EPB41L3: variants seen among roughly 807,000 people sequenced by gnomAD.
The protein encoded by EPB41L3 is erythrocyte membrane protein band 4.1 like 3.
In EPB41L3, 57 loss-of-function variants were observed where a neutral mutation model predicts 127.1. That is an observed-to-expected ratio of 0.45 (90% CI 0.36 to 0.56). The LOEUF (loss-of-function observed/expected upper bound fraction) is 0.56. Ranked by LOEUF, EPB41L3 falls within the 20% of genes least tolerant of loss-of-function variation. The pLI, the probability that EPB41L3 is intolerant of heterozygous loss-of-function variation, is 0.00. For missense variants in EPB41L3, 1,273 were observed against 1,372.2 expected, an observed-to-expected ratio of 0.93 and a Z score of 1.14; for synonymous variants, 572 against 549.5, an observed-to-expected ratio of 1.04 and a Z score of -0.57.
intron 1 of EPB41L3, among the ~76,000 whole-genome samples, chr18:5,615,002 T>A (rs1394888550): frequency 1.3e-5 from 2 of 152,096 alleles, no homozygotes; most frequent in Non-Finnish European, 2.9e-5. Flanking sequence ...TTAAGTACAT[T>A]CTCCAGAGAC....
chr18:5,630,420 T>C (rs751909776), upstream of EPB41L3: 4 of 518,644 alleles, frequency 7.7e-6, no homozygotes, highest in Non-Finnish European at 3.8e-6. Flanking sequence ...CCGGAGCTTG[T>C]TCGCAGCCCG....
rs1239643913 is a variant in EPB41L3, at chr18:5,419,727, A to G, written c.1490T>C (p.Ile497Thr). 6.2e-7 allele frequency: 1 copy of G among 1,614,162 alleles called. No homozygotes were observed. The highest frequency in any genetic ancestry group is 1.1e-5 in the South Asian group (1 of 91,084). ...KGEEVTPISAIRHEGKSPGLG... is the reference protein window; with the variant it reads ...KGEEVTPISATRHEGKSPGLG... ...GAGCTATACCTTTCCCTCGTGCCGG[A>G]TGGCCGAGATGGGCGTGACTTCTTC... Residue 497 changes from isoleucine (I) to threonine (T), a missense_variant, in exon 12 of 23, where the codon ATC becomes ACC. Around this residue, in one of 3 missense-constraint regions of EPB41L3, gnomAD observed 765 missense variants for 782.9 expected, o/e 0.98. Coordinates refer to ENST00000341928, the MANE Select transcript of EPB41L3 (RefSeq NM_012307.5).
intron 3 of EPB41L3, among the ~76,000 whole-genome samples, chr18:5,583,163 A>G (rs910895524): frequency 2.0e-5 from 3 of 152,234 alleles, no homozygotes; most frequent in Non-Finnish European, 4.4e-5. Flanking sequence ...TGGCTGAGAC[A>G]GTCAGACAAC....
chr18:5,439,650 T>C (rs1481098136), intron 5 of EPB41L3, among the ~76,000 whole-genome samples: 2 of 152,228 alleles, frequency 1.3e-5, no homozygotes, highest in Admixed American at 6.5e-5. Context: ...ATTCAAAATA[T>C]ATCTGTCAGT....
At chr18:5,451,626 C>T (rs2082287972) in intron 3 of EPB41L3, among the ~76,000 whole-genome samples, 1 of 152,214 alleles carries the variant, frequency 6.6e-6, no homozygotes, top group Admixed American at 6.5e-5. Flanking sequence ...GGGCCTCTTT[C>T]TTTGTCAAAT....
At chr18:5,438,722 T>C (rs1309228857) in intron 5 of EPB41L3, among the ~76,000 whole-genome samples, 1 of 152,216 alleles carries the variant, frequency 6.6e-6, no homozygotes, top group East Asian at 1.9e-4. Context: ...TTTCTGCATA[T>C]TGCCAAATTT....
At chr18:5,587,870 T>A (rs1345193838) in intron 3 of EPB41L3, among the ~76,000 whole-genome samples, 1 of 152,184 alleles carries the variant, frequency 6.6e-6, no homozygotes, top group East Asian at 1.9e-4. Context: ...ACAGATACAA[T>A]TATGACAATA....
intron 16 of EPB41L3, chr18:5,399,573 C>A (rs1001487506): frequency 2.4e-4 from 95 of 392,650 alleles, no homozygotes; most frequent in Non-Finnish European, 4.1e-4. Context: ...CTATAAACTT[C>A]AGCTCAGAAT....
chr18:5,595,185 T>G (rs1157104490), intron 3 of EPB41L3, among the ~76,000 whole-genome samples: 1 of 152,130 alleles, frequency 6.6e-6, no homozygotes, highest in East Asian at 1.9e-4. Context: ...TCCAATACCC[T>G]CCATTGAAAG....
intron 1 of EPB41L3, among the ~76,000 whole-genome samples, chr18:5,500,607 G>T (rs2091654425): frequency 6.6e-6 from 1 of 152,200 alleles, no homozygotes; most frequent in Non-Finnish European, 1.5e-5. Context: ...CGCTTTGTAG[G>T]TGCCAGTACC....
intron 3 of EPB41L3, among the ~76,000 whole-genome samples, chr18:5,608,946 A>C (rs1004234690): frequency 6.6e-6 from 1 of 152,238 alleles, no homozygotes; most frequent in African/African-American, 2.4e-5. Context: ...TGGGAAACTA[A>C]ATCATCTAAG....
intron 1 of EPB41L3, among the ~76,000 whole-genome samples, chr18:5,514,510 G>A (rs879661996): frequency 6.7e-6 from 1 of 148,296 alleles, no homozygotes; most frequent in Non-Finnish European, 1.5e-5. Flanking sequence ...TATTTCCAAA[G>A]TAGTTTTCTC....
intron 3 of EPB41L3, among the ~76,000 whole-genome samples, chr18:5,586,145 T>C (rs934577648): frequency 2.6e-5 from 4 of 152,208 alleles, no homozygotes; most frequent in Non-Finnish European, 4.4e-5. Flanking sequence ...CTTCCTATGA[T>C]GTGATGGTCC....
At chr18:5,570,628 G>A (rs2094265849) in intron 3 of EPB41L3, among the ~76,000 whole-genome samples, 1 of 151,204 alleles carries the variant, frequency 6.6e-6, no homozygotes, top group Non-Finnish European at 1.5e-5. Flanking sequence ...TATACTTTAA[G>A]TTCTAGGGTA....
In EPB41L3 at chr18:5,543,828, C is replaced by T; in HGVS notation, c.-12+85G>A. ...GTCAGCCCCACTGTCCCGCGCGCCT[C>T]GCCCCAGGCCTCGGGCTCTTCCTCC... is the stretch of plus-strand genomic sequence containing the variant. On this transcript the variant is annotated intron_variant, in intron 1 of 22. Coordinates refer to ENST00000341928, the MANE Select transcript of EPB41L3 (RefSeq NM_012307.5). The surrounding 1 kb of genome is among the most constrained non-coding windows in gnomAD (Gnocchi z 5.2). 1.0e-6 allele frequency: 1 copy of T among 964,100 alleles called. No homozygotes were observed. The highest frequency in any genetic ancestry group is 1.2e-6 in the Non-Finnish European group (1 of 810,804). 59.7% of individuals were successfully genotyped at this position (964,100 alleles called of 1,614,324 possible).
chr18:5,472,980 T>C (rs1320943849), intron 3 of EPB41L3, among the ~76,000 whole-genome samples: 1 of 152,186 alleles, frequency 6.6e-6, no homozygotes, highest in African/African-American at 2.4e-5. Flanking sequence ...AAGATGACCG[T>C]TTCTGTACTT....
At chr18:5,481,245 C>T (rs1031400666) in intron 2 of EPB41L3, among the ~76,000 whole-genome samples, 7 of 152,156 alleles carry the variant, frequency 4.6e-5, no homozygotes, top group African/African-American at 1.4e-4. Flanking sequence ...CTCCTCCCAT[C>T]CCTCCACAGA....
At chr18:5,545,392 C>T (rs185796413), upstream of EPB41L3, among the ~76,000 whole-genome samples, 1 of 152,092 alleles carries the variant, frequency 6.6e-6, no homozygotes, top group Non-Finnish European at 1.5e-5. Flanking sequence ...CAGTGAGGCC[C>T]GGAGACGTGG....
chr18:5,478,164 G>C, intron 3 of EPB41L3, 77 bp downstream of exon 3: 2 of 1,284,172 alleles, frequency 1.6e-6, no homozygotes, highest in Non-Finnish European at 2.2e-6. Flanking sequence ...AAAATAAAGA[G>C]GCATCTTGTA....
Sources: allele counts gnomAD v4.1 joint callset (sites outside exome capture counted in the v4.1 genomes callset), GRCh38; gene constraint gnomAD v4.1.1; regional missense constraint gnomAD v4.1.1; non-coding constraint Gnocchi (gnomAD v3.1); transcripts MANE v1.5; gene names NCBI Gene and HGNC (gene_info 2026-07-23, HGNC 2026-07-21).